GPRC6A: variants seen among roughly 807,000 people sequenced by gnomAD.
The protein encoded by GPRC6A is G protein-coupled receptor family C group 6 member A.
In GPRC6A, 54 loss-of-function variants were observed where a neutral mutation model predicts 47.0. The ratio of observed to expected loss-of-function variants is 1.15; its 90% CI spans 0.92 to 1.44. GPRC6A has a LOEUF of 1.44. Ranked by LOEUF, GPRC6A falls within the 40% of genes most tolerant of loss-of-function variation. The pLI is 0.00. For synonymous variants in GPRC6A, 347 were observed against 377.1 expected (o/e 0.92, Z 0.93); for missense variants, 1,112 against 1,105.5 (o/e 1.01, Z -0.08).
chr6:116,793,331 T>TTGTAG (rs1449156908), intron 5 of GPRC6A, 81 bp from the exon 6 acceptor site: 17 of 967,958 alleles, frequency 1.8e-5, no homozygotes, highest in Non-Finnish European at 2.5e-5. Context: ...GAGATTCGTC[T>TTGTAG]TCTTTAATAG....
At chr6:116,824,874 G>A (rs142836233) in intron 1 of GPRC6A, among the ~76,000 whole-genome samples, 19 of 151,938 alleles carry the variant, frequency 1.3e-4, no homozygotes, top group South Asian at 1.2e-3. Flanking sequence ...TCAACAGTGC[G>A]TCACAAAGAT....
chr6:116,796,023 C>T (rs148242954), intron 4 of GPRC6A, among the ~76,000 whole-genome samples, 188 bp from the exon 5 acceptor site: 144 of 152,050 alleles, frequency 9.5e-4, no homozygotes, highest in African/African-American at 3.2e-3. Context: ...AGCTGCTTTA[C>T]GAAGAACACA....
chr6:116,812,003 G>A (rs1374285023), intron 1 of GPRC6A, among the ~76,000 whole-genome samples: 1 of 152,122 alleles, frequency 6.6e-6, no homozygotes. Context: ...AAGAGGTTTA[G>A]ACATCCAGAT....
At chr6:116,825,003 T>C (rs1171406955) in intron 1 of GPRC6A, among the ~76,000 whole-genome samples, 1 of 152,050 alleles carries the variant, frequency 6.6e-6, no homozygotes, top group Non-Finnish European at 1.5e-5. Context: ...ATCATCTCAA[T>C]AGATGTAGAA....
chr6:116,823,260 G>C (rs574256064), intron 1 of GPRC6A, among the ~76,000 whole-genome samples: 2 of 152,180 alleles, frequency 1.3e-5, no homozygotes, highest in African/African-American at 4.8e-5. Context: ...ATTCTTGACT[G>C]CTTTGCTGCT....
chr6:116,806,813 T>C lies in GPRC6A; in HGVS notation c.892A>G (p.Met298Val). Residue 298 changes from methionine to valine, a missense_variant, in exon 3 of 6, where the codon ATG becomes GTG. Physicochemically the swap from Met to Val is conservative, Grantham distance 21 (BLOSUM62 1). Coordinates refer to ENST00000310357, the MANE Select transcript of GPRC6A (RefSeq NM_148963.4). ...NKAIEMNINK[M>V]WIASDNWSTA... is the part of the protein sequence containing the mutation. ...GACCAATTATCACTAGCAATCCACA[T>C]CTTATTTATATTCATTTCAATGGCT... The C allele has an allele frequency of 6.2e-7, 1 of 1,613,492 alleles. No homozygotes were observed. Among genetic ancestry groups the C allele is most frequent in the East Asian group, 2.2e-5 (1 of 44,876 alleles).
chr6:116,823,166 CCTT>C (rs1167094711), intron 1 of GPRC6A, among the ~76,000 whole-genome samples: 8 of 152,024 alleles, frequency 5.3e-5, no homozygotes, highest in Non-Finnish European at 1.0e-4. Context: ...TTTACACTCT[CCTT>C]CTGTTTTAAA....
In GPRC6A at chr6:116,806,997, G is replaced by T. The variant is rs772554360; in HGVS notation, c.708C>A (p.Asn236Lys). 1.2e-6 allele frequency: 2 copies of T among 1,613,584 alleles called. No individual in the cohort carries two copies. The highest frequency in any genetic ancestry group is 2.2e-5 in the South Asian group (2 of 91,068). Reference protein sequence around the residue: ...NTFIIQAEANNVCIAFKEVLP... With the variant: ...NTFIIQAEANKVCIAFKEVLP... ...GAACCTCTTTGAAGGCTATGCACAC[G>T]TTATTTGCTTCAGCCTGAATTATAA... The change falls in exon 3 of 6, where the codon AAC becomes AAA. Residue 236 changes from asparagine to lysine, a missense_variant. Coordinates refer to ENST00000310357, the MANE Select transcript of GPRC6A (RefSeq NM_148963.4).
chr6:116,809,246 G>T, intron 2 of GPRC6A, 68 bp downstream of exon 2: 1 of 1,324,890 alleles, frequency 7.5e-7, no homozygotes, highest in Non-Finnish European at 1.1e-6. Flanking sequence ...GTTTCCTCAG[G>T]TTTCCCTGAT....
At position 116,806,920 on chromosome 6, in the gene GPRC6A, A is replaced by G; in HGVS notation, c.785T>C (p.Leu262Pro). Residue 262 changes from leucine (L) to proline (P), a missense_variant, in exon 3 of 6, where the codon CTG (leucine) becomes CCG (proline). By Grantham distance (98) the Leu-to-Pro change is moderately conservative. Transcript: ENST00000310357. ...CTGGGCTTCTAAAATGATTTTCTTCAGTGTCCGATTGATTCTGACTTCAAT... is the reference window on the plus strand; with the variant it reads ...CTGGGCTTCTAAAATGATTTTCTTCGGTGTCCGATTGATTCTGACTTCAAT... Reference protein sequence around the residue: ...NTIEVRINRTLKKIILEAQVN... With the variant: ...NTIEVRINRTPKKIILEAQVN... 33 of 1,613,738 alleles carry G rather than the reference A, an allele frequency of 2.0e-5. No homozygotes were observed. Among genetic ancestry groups the G allele is most frequent in the Non-Finnish European group, 2.7e-5 (32 of 1,179,810 alleles).
chr6:116,816,291 G>A (rs1215716802), intron 1 of GPRC6A, among the ~76,000 whole-genome samples: 2 of 152,240 alleles, frequency 1.3e-5, no homozygotes, highest in African/African-American at 4.8e-5. Flanking sequence ...TGGGAGTACA[G>A]GCATTTGGTA....
In GPRC6A at chr6:116,806,426, G is replaced by A. The variant is rs200889200; in HGVS notation, c.1279C>T (p.Arg427Trp). 17 of 1,613,176 alleles carry A rather than the reference G, an allele frequency of 1.1e-5. No homozygotes were observed. Among genetic ancestry groups the A allele is most frequent in the African/African-American group, 6.7e-5 (5 of 74,842 alleles). ...LAVFALGYAI[R>W]DLCQARDCQN... is the part of the protein sequence containing the mutation. ...CAGTCACGAGCTTGACACAGATCCC[G>A]AATGGCATAACCAAGGGCAAACACT... The change falls in exon 3 of 6, where the codon CGG becomes TGG. Residue 427 changes from arginine to tryptophan, a missense_variant. Arg to Trp is a moderately radical substitution (Grantham distance 101). Coordinates refer to ENST00000310357, the MANE Select transcript of GPRC6A (RefSeq NM_148963.4).
chr6:116,823,866 G>T (rs1773589678), intron 1 of GPRC6A, among the ~76,000 whole-genome samples: 1 of 151,994 alleles, frequency 6.6e-6, no homozygotes, highest in Non-Finnish European at 1.5e-5. Flanking sequence ...GAAGAAAGAG[G>T]GAGGGGATAT....
rs940979120 is a variant in GPRC6A at position 116,806,573 on chromosome 6, T to C, written c.1132A>G (p.Asn378Asp). 2 of 1,613,514 alleles carry C rather than the reference T, an allele frequency of 1.2e-6. No individual in the cohort carries two copies. The highest frequency in any genetic ancestry group is 1.7e-6 in the Non-Finnish European group (2 of 1,179,774). The change falls in exon 3 of 6, where the codon AAT (asparagine) becomes GAT (aspartate). Residue 378 changes from asparagine (N) to aspartate (D), a missense_variant. By Grantham distance (23) the Asn-to-Asp change is conservative. Transcript: ENST00000310357. ...TAGGCCAAAGTCCTTTGAGAATGAT[T>C]GAATATGCATTGACTCAAATCAGTG... Reference protein sequence around the residue: ...KDTDLSQCIFNHSQRTLAYKA... With the variant: ...KDTDLSQCIFDHSQRTLAYKA...
chr6:116,806,255 T>C, intron 3 of GPRC6A, 115 bp downstream of exon 3: 2 of 684,808 alleles, frequency 2.9e-6, no homozygotes, highest in Non-Finnish European at 5.1e-6. Context: ...AAAGTGTCTA[T>C]TTATAAAAGG....
At chr6:116,808,497 G>C (rs977562276) in intron 2 of GPRC6A, among the ~76,000 whole-genome samples, 2 of 152,010 alleles carry the variant, frequency 1.3e-5, no homozygotes, top group African/African-American at 4.8e-5. Flanking sequence ...TATTACCGAT[G>C]TCACTAGGCT....
chr6:116,806,614 C>T lies in GPRC6A; in HGVS notation c.1091G>A (p.Cys364Tyr), dbSNP rs761865665. The T allele has an allele frequency of 3.8e-5, 61 of 1,613,350 alleles. 1 individual carries two copies. In the South Asian group the frequency reaches 4.7e-4, roughly 12 times the overall value. Residue 364 changes from cysteine (C) to tyrosine (Y), a missense_variant, in exon 3 of 6, where the codon TGC becomes TAC. Transcript: ENST00000310357. ...CAAATCAGTGTCCTTGACATATGCGCAGGCAGATAAATGCATGGCATATTC... is the reference window on the plus strand; with the variant it reads ...CAAATCAGTGTCCTTGACATATGCGTAGGCAGATAAATGCATGGCATATTC... ...LHEYAMHLSA[C>Y]AYVKDTDLSQ...
chr6:116,810,324 A>G (rs1351696634), intron 1 of GPRC6A, among the ~76,000 whole-genome samples: 1 of 152,124 alleles, frequency 6.6e-6, no homozygotes, highest in East Asian at 1.9e-4. Context: ...TTGATATTCT[A>G]GTTTCTTTTT....
chr6:116,827,677 G>A (rs1263423706), intron 1 of GPRC6A, among the ~76,000 whole-genome samples: 2 of 151,970 alleles, frequency 1.3e-5, no homozygotes, highest in African/African-American at 4.8e-5. Context: ...CTGCAATTGT[G>A]GGCCTCAACT....
Sources: gnomAD v4.1 joint callset for allele counts (sites outside exome capture counted in the v4.1 genomes callset) on GRCh38, gnomAD v4.1.1 for gene constraint, MANE v1.5 for transcripts, NCBI Gene and HGNC (gene_info 2026-07-23, HGNC 2026-07-21) for gene names.